MKNK2: variants seen among roughly 807,000 people sequenced by gnomAD.
MKNK2 encodes the protein MAP kinase-interacting serine/threonine-protein kinase 2.
A neutral mutation model predicts 55.0 loss-of-function variants in MKNK2; 54 were observed. The ratio of observed to expected loss-of-function variants is 0.98; its 90% CI spans 0.79 to 1.23. MKNK2 has a LOEUF of 1.23. Ranked by LOEUF, MKNK2 falls within the 50% of genes most tolerant of loss-of-function variation. The probability of loss-of-function intolerance (pLI) is 0.00; values close to 1 mark genes in which losing one functional copy is unlikely to be tolerated. For synonymous variants in MKNK2, 323 were observed against 256.0 expected (o/e 1.26, Z -2.50); for missense variants, 685 against 632.1 (o/e 1.08, Z -0.90).
chr19:2,039,536 C>G lies in MKNK2; in HGVS notation c.*77G>C. 1 of 1,500,428 alleles carries G rather than the reference C, an allele frequency of 6.7e-7. No individual in the cohort carries two copies. The highest frequency in any genetic ancestry group is 1.3e-5 in the South Asian group (1 of 77,856). 92.9% of individuals were successfully genotyped at this position (1,500,428 alleles called of 1,614,324 possible). A position where few individuals can be genotyped will look rare whatever the true frequency, so the allele number is the denominator to read the frequency against. Reference sequence around the variant, plus strand: ...AGAGGAGGGGCAGCCCGCTGGACACCGGCTGGCGATAGCTTAAAAAACCTT... The same window carrying G: ...AGAGGAGGGGCAGCCCGCTGGACACGGGCTGGCGATAGCTTAAAAAACCTT... On this transcript the variant is annotated 3_prime_UTR_variant, in exon 14 of 14. Transcript: ENST00000250896.
In MKNK2 at chr19:2,039,045, CCACCTGCCTGCCTGA is replaced by C. The variant is rs2145681649; in HGVS notation, c.*553_*567del. 2.0e-6 allele frequency: 2 copies of C among 986,462 alleles called. No homozygotes were observed. Among genetic ancestry groups the C allele is most frequent in the African/African-American group, 1.7e-5 (1 of 57,364 alleles). The allele number at this position is 986,462 out of a possible 1,614,324, so 61.1% of individuals were successfully genotyped here. On this transcript the variant is annotated 3_prime_UTR_variant, in exon 14 of 14. Coordinates refer to ENST00000250896, the MANE Select transcript of MKNK2 (RefSeq NM_199054.3). ...ATGGGGTGGGTGGGTGAGCTGCCTG[CCACCTGCCTGCCTGA>C]CACCTCCAGAGACAGGCAGCCCCTC... is the stretch of plus-strand genomic sequence containing the variant.
At chr19:2,041,742 G>A (rs980863364) in intron 11 of MKNK2, 98 bp downstream of exon 11, 3 of 1,035,220 alleles carry the variant, frequency 2.9e-6, no homozygotes, top group East Asian at 5.7e-5. Flanking sequence ...CCTGGACTTA[G>A]AGGGTGCGCA....
intron 2 of MKNK2, among the ~76,000 whole-genome samples, chr19:2,049,698 G>C (rs1401689660): frequency 6.6e-6 from 1 of 152,196 alleles, no homozygotes; most frequent in Non-Finnish European, 1.5e-5. Flanking sequence ...CCCTAGGAGG[G>C]AGAAGACCAC....
intron 2 of MKNK2, among the ~76,000 whole-genome samples, chr19:2,048,391 C>T (rs541051443): frequency 7.2e-5 from 11 of 152,268 alleles, no homozygotes; most frequent in East Asian, 1.9e-4. Context: ...CAGGGACTGC[C>T]GGCCCTTTAC....
At position 2,039,464 on chromosome 19, in the gene MKNK2, C is replaced by T; in HGVS notation, c.*149G>A. On this transcript the variant is annotated 3_prime_UTR_variant, in exon 14 of 14. Transcript: ENST00000250896. ...AAAAAAACCCAAAAGCAAAAACCTT[C>T]TATAAAACACCCCCCTCAGCTGAGC... 1 of 1,402,564 alleles carries T rather than the reference C, an allele frequency of 7.1e-7. No individual in the cohort carries two copies. Among genetic ancestry groups the T allele is most frequent in the Non-Finnish European group, 9.3e-7 (1 of 1,078,914 alleles). The allele number at this position is 1,402,564 out of a possible 1,614,324, so 86.9% of individuals were successfully genotyped here. A position where few individuals can be genotyped will look rare whatever the true frequency, so the allele number is the denominator to read the frequency against.
At chr19:2,045,719 C>T (rs2016982470) in intron 5 of MKNK2, among the ~76,000 whole-genome samples, 1 of 152,192 alleles carries the variant, frequency 6.6e-6, no homozygotes, top group Non-Finnish European at 1.5e-5. Context: ...CGGGATCCAA[C>T]CGGCCCACAA....
In MKNK2 at chr19:2,050,767, C is replaced by A. The variant is rs1006384629; in HGVS notation, c.51+34G>T. ...CACGCCGGCCATTCCGGTGGTCCAG[C>A]CCGGAGCGCCCCCAAACCGACCCCG... On this transcript the variant is annotated intron_variant, in intron 2 of 13. Transcript: ENST00000250896. 15 of 1,529,562 alleles carry A rather than the reference C, an allele frequency of 9.8e-6. No individual in the cohort carries two copies. In the Admixed American group the frequency reaches 2.0e-4, roughly 20 times the overall value. The allele number at this position is 1,529,562 out of a possible 1,614,324, so 94.7% of individuals were successfully genotyped here.
At position 2,039,551 on chromosome 19, in the gene MKNK2, TA is replaced by T. The variant is rs2016827589; in HGVS notation, c.*61del. The stretch of plus-strand genomic sequence containing the variant: ...CGCTGGACACCGGCTGGCGATAGCT[TA>T]AAAAACCTTTAGATTTGATTGGGGG... On this transcript the variant is annotated 3_prime_UTR_variant, in exon 14 of 14. Coordinates refer to ENST00000250896, the MANE Select transcript of MKNK2 (RefSeq NM_199054.3). The T allele has an allele frequency of 1.1e-5, 17 of 1,542,682 alleles. 1 individual carries two copies. In the South Asian group the frequency reaches 1.9e-4, roughly 17 times the overall value.
rs1568234372 is a variant in MKNK2, at chr19:2,039,572, T to C, written c.*41A>G. ...AGCTTAAAAAACCTTTAGATTTGAT[T>C]GGGGGACGGGTGACCTATGTACAGA... On this transcript the variant is annotated 3_prime_UTR_variant, in exon 14 of 14. Transcript: ENST00000250896. The C allele has an allele frequency of 1.9e-6, 3 of 1,568,708 alleles. No homozygotes were observed. The highest frequency in any genetic ancestry group is 3.5e-5 in the Admixed American group (2 of 56,720).
intron 2 of MKNK2, among the ~76,000 whole-genome samples, chr19:2,050,402 C>A (rs2017088895): frequency 6.6e-6 from 1 of 152,256 alleles, no homozygotes; most frequent in African/African-American, 2.4e-5. Flanking sequence ...CAGGGCACAA[C>A]CAGCTGGAGC....
intron 11 of MKNK2, among the ~76,000 whole-genome samples, chr19:2,041,532 G>A (rs1314989886): frequency 6.6e-6 from 1 of 152,144 alleles, no homozygotes; most frequent in Non-Finnish European, 1.5e-5. Flanking sequence ...CCTGTCTGGG[G>A]TTTCCCTTGG....
intron 2 of MKNK2, 103 bp from the exon 3 acceptor site, chr19:2,046,794 T>C: frequency 2.2e-6 from 2 of 895,710 alleles, no homozygotes; most frequent in East Asian, 2.9e-5. Flanking sequence ...TGACAAGCCC[T>C]GCGCTGAGCA....
chr19:2,049,515 G>A (rs1477342085), intron 2 of MKNK2, among the ~76,000 whole-genome samples: 3 of 152,198 alleles, frequency 2.0e-5, no homozygotes, highest in Admixed American at 6.5e-5. Context: ...CACAGAGGCC[G>A]GCCCACAATC....
chr19:2,040,336 C>A, intron 12 of MKNK2, 159 bp from the exon 13 acceptor site: 1 of 623,358 alleles, frequency 1.6e-6, no homozygotes, highest in Non-Finnish European at 2.7e-6. Context: ...AAGCGCCCAC[C>A]CCGAGGTCCC....
Position 2,051,088 on chromosome 19 carries a change from G to A in MKNK2, c.-97+8C>T, listed in dbSNP as rs1034165698. On this transcript the variant is annotated splice_region_variant and intron_variant, in intron 1 of 13. Coordinates refer to ENST00000250896, the MANE Select transcript of MKNK2 (RefSeq NM_199054.3). ...TGTCCTCGGGGCCGCCCTGGGGTTC[G>A]CACTCACCGGGGTCGGGCTTGGGCC... 7.5e-6 allele frequency: 2 copies of A among 268,290 alleles called. No homozygotes were observed. Among genetic ancestry groups the A allele is most frequent in the Non-Finnish European group, 7.0e-6 (1 of 143,318 alleles). The allele number at this position is 268,290 out of a possible 1,614,324, so 16.6% of individuals were successfully genotyped here.
rs1181783352 is a variant in MKNK2 at position 2,042,306 on chromosome 19, G to A, written c.750+121C>T. 4 of 918,442 alleles carry A rather than the reference G, an allele frequency of 4.4e-6. No individual in the cohort carries two copies. In the African/African-American group the frequency reaches 6.7e-5, roughly 15 times the overall value. 56.9% of individuals were successfully genotyped at this position (918,442 alleles called of 1,614,324 possible). ...CGACACCCCGCCCAACCAATCAGCG[G>A]CTGTTGCTAGGCGGAAGCCCGAGCT... is the stretch of plus-strand genomic sequence containing the variant. On this transcript the variant is annotated intron_variant, in intron 10 of 13. Transcript: ENST00000250896.
Position 2,037,596 on chromosome 19 carries a change from G to T in MKNK2, c.*2017C>A. 2 of 573,452 alleles carry T rather than the reference G, an allele frequency of 3.5e-6. No individual in the cohort carries two copies. Among genetic ancestry groups the T allele is most frequent in the Non-Finnish European group, 5.5e-6 (2 of 361,002 alleles). The allele number at this position is 573,452 out of a possible 1,614,324, so 35.5% of individuals were successfully genotyped here. On this transcript the variant is annotated 3_prime_UTR_variant, in exon 14 of 14. Coordinates refer to ENST00000250896, the MANE Select transcript of MKNK2 (RefSeq NM_199054.3). ...CTGGTACATTGGAATTAAAGTGCTT[G>T]GATGTTTTTCCCCCACTTTAAAAAA... is the stretch of plus-strand genomic sequence containing the variant.
chr19:2,042,482 C>T lies in MKNK2; in HGVS notation c.695G>A (p.Gly232Asp), dbSNP rs781111940. The T allele has an allele frequency of 1.9e-6, 3 of 1,595,884 alleles. No individual in the cohort carries two copies. Among genetic ancestry groups the T allele is most frequent in the Non-Finnish European group, 8.5e-7 (1 of 1,172,656 alleles). ...VKICDFDLGS[G>D]IKLNGDCSPI... ...GGAGCAGTCCCCGTTGAGTTTGATG[C>T]CGCTGCCCAGGTCGAAGTCACAGAT... Residue 232 changes from glycine to aspartate, a missense_variant, in exon 10 of 14, where the codon GGC (glycine) becomes GAC (aspartate). Transcript: ENST00000250896.
chr19:2,040,071 T>C (rs2016842353), intron 13 of MKNK2, 63 bp downstream of exon 13: 2 of 1,516,758 alleles, frequency 1.3e-6, no homozygotes, highest in Non-Finnish European at 1.8e-6. Context: ...CTTTCACAAA[T>C]GTCTTAACCT....
Sources: gnomAD v4.1 joint callset for allele counts (sites outside exome capture counted in the v4.1 genomes callset) on GRCh38, gnomAD v4.1.1 for gene constraint, MANE v1.5 for transcripts, NCBI Gene and HGNC (gene_info 2026-07-23, HGNC 2026-07-21) for gene names.